Variants in ACVR2B observed in about 807,000 individuals in gnomAD.
The protein encoded by ACVR2B is activin receptor type-2B.
In ACVR2B, 18 loss-of-function variants were observed where a neutral mutation model predicts 65.1. The ratio of observed to expected loss-of-function variants is 0.28; its 90% CI spans 0.19 to 0.41. The LOEUF is 0.41. ACVR2B is among the 10% of genes least tolerant of loss of function. The probability of loss-of-function intolerance (pLI) is 1.00; values close to 1 mark genes in which losing one functional copy is unlikely to be tolerated. For synonymous variants in ACVR2B, 298 were observed against 277.7 expected (o/e 1.07, Z -0.73); for missense variants, 482 against 682.7 (o/e 0.71, Z 3.28).
chr3:38,464,178 T>C (rs1246096215), intron 1 of ACVR2B, among the ~76,000 whole-genome samples: 1 of 152,210 alleles, frequency 6.6e-6, no homozygotes, highest in Admixed American at 6.5e-5. Context: ...AACAATAAAG[T>C]TTGGTTGAAA....
rs186009413 is a variant in ACVR2B, at chr3:38,479,119, C to T, written c.667-9C>T. The T allele has an allele frequency of 1.1e-4, 183 of 1,614,050 alleles. No individual in the cohort carries two copies. The African/African-American group carries it at 1.9e-3, about 17-fold the overall frequency. The stretch of plus-strand genomic sequence containing the variant: ...ACTTGTCCCCCCAACCCCTCGCCCC[C>T]GGCCTCAGGACAAGCAGTCGTGGCA... On this transcript the variant is annotated splice_polypyrimidine_tract_variant and intron_variant, in intron 5 of 10. Coordinates refer to ENST00000352511, the MANE Select transcript of ACVR2B (RefSeq NM_001106.4).
chr3:38,470,934 G>C (rs1051740389), intron 1 of ACVR2B, among the ~76,000 whole-genome samples: 1 of 152,122 alleles, frequency 6.6e-6, no homozygotes, highest in Non-Finnish European at 1.5e-5. Flanking sequence ...AACATACCCA[G>C]TAATCATATA....
intron 1 of ACVR2B, among the ~76,000 whole-genome samples, chr3:38,462,043 A>C (rs1022862536): frequency 6.6e-6 from 1 of 151,852 alleles, no homozygotes; most frequent in Non-Finnish European, 1.5e-5. Context: ...AAATACAAAA[A>C]ATTAGCCCGG....
At chr3:38,478,827 T>G (rs531038) in intron 5 of ACVR2B, among the ~76,000 whole-genome samples, 5 of 152,118 alleles carry the variant, frequency 3.3e-5, no homozygotes, top group Non-Finnish European at 7.4e-5. Flanking sequence ...CCTCATTTGT[T>G]GGGTGATACG....
chr3:38,480,228 T>C (rs1709993995), intron 7 of ACVR2B, among the ~76,000 whole-genome samples: 1 of 152,224 alleles, frequency 6.6e-6, no homozygotes, highest in African/African-American at 2.4e-5. Context: ...TCACATCTCA[T>C]GTAGCCTCGG....
chr3:38,483,270 C>T lies in ACVR2B; in HGVS notation c.1477C>T (p.Leu493Phe), dbSNP rs150752796. 5.3e-4 allele frequency: 848 copies of T among 1,613,968 alleles called. 1 individual carries two copies. The highest frequency in any genetic ancestry group is 6.5e-4 in the Non-Finnish European group (764 of 1,180,026). The change falls in exon 11 of 11, where the codon CTC becomes TTC. Residue 493 changes from leucine to phenylalanine, a missense_variant. By Grantham distance (22) the Leu-to-Phe change is conservative. Transcript: ENST00000352511. The surrounding 1 kb of genome is among the most constrained non-coding windows in gnomAD (Gnocchi z 4.8). The part of the protein sequence containing the change: ...RSVNGTTSDC[L>F]VSLVTSVTNV... ...GGTCAACGGCACTACCTCGGACTGT[C>T]TCGTTTCCCTGGTGACCTCTGTCAC...
chr3:38,478,806 G>C (rs1426704300), intron 5 of ACVR2B, among the ~76,000 whole-genome samples: 1 of 152,122 alleles, frequency 6.6e-6, no homozygotes, highest in Non-Finnish European at 1.5e-5. Flanking sequence ...TGGACACCAG[G>C]TCTGGCTCTG....
At chr3:38,455,226 C>G (rs1398982008) in intron 1 of ACVR2B, among the ~76,000 whole-genome samples, 1 of 152,034 alleles carries the variant, frequency 6.6e-6, no homozygotes, top group African/African-American at 2.4e-5. Context: ...GTCCAAGCAC[C>G]GATTTCCCTC....
chr3:38,463,144 C>T (rs1048779545), intron 1 of ACVR2B, among the ~76,000 whole-genome samples: 7 of 152,164 alleles, frequency 4.6e-5, no homozygotes, highest in Non-Finnish European at 1.0e-4. Flanking sequence ...GGGTACTGTG[C>T]TGATGAGGGA....
chr3:38,484,482 G>T lies in ACVR2B; in HGVS notation c.*1150G>T, dbSNP rs1710080063. The T allele has an allele frequency of 1.3e-5, 2 of 152,204 alleles. No homozygotes were observed. The highest frequency in any genetic ancestry group is 4.8e-5 in the African/African-American group (2 of 41,452). 9.4% of individuals were successfully genotyped at this position (152,204 alleles called of 1,614,324 possible). Reference sequence around the variant, plus strand: ...TGCACCTCTGGTTCCGCCCCAGGTGGTGACATTACTGTCCCCGTTCTGTGG... The same window carrying T: ...TGCACCTCTGGTTCCGCCCCAGGTGTTGACATTACTGTCCCCGTTCTGTGG... On this transcript the variant is annotated 3_prime_UTR_variant, in exon 11 of 11. Coordinates refer to ENST00000352511, the MANE Select transcript of ACVR2B (RefSeq NM_001106.4).
rs78458694 is a variant in ACVR2B at position 38,483,670 on chromosome 3, C to G, written c.*338C>G. ...CTTTGGGATTCGTTTTTCCCGCTTT[C>G]TCTTTGTTTGTCGTCTCAGAATCTG... On this transcript the variant is annotated 3_prime_UTR_variant, in exon 11 of 11. Coordinates refer to ENST00000352511, the MANE Select transcript of ACVR2B (RefSeq NM_001106.4). The surrounding 1 kb of genome is among the most constrained non-coding windows in gnomAD (Gnocchi z 4.8). The G allele has an allele frequency of 5.2e-3, 812 of 156,972 alleles. 7 individuals are homozygous for G. The highest frequency in any genetic ancestry group is 8.6e-3 in the Non-Finnish European group (618 of 71,804). The allele number at this position is 156,972 out of a possible 1,614,324, so 9.7% of individuals were successfully genotyped here. A position where few individuals can be genotyped will look rare whatever the true frequency, so the allele number is the denominator to read the frequency against.
In ACVR2B at chr3:38,492,215, TG is replaced by T. The variant is rs2059815717; in HGVS notation, c.*8884del. ...CAGTTTTACCAGCTACTTCTAAATTTGTACATTATTTGTAAGGGAAAGAAGG... is the reference window on the plus strand; with the variant it reads ...CAGTTTTACCAGCTACTTCTAAATTTTACATTATTTGTAAGGGAAAGAAGG... On this transcript the variant is annotated 3_prime_UTR_variant, in exon 11 of 11. Coordinates refer to ENST00000352511, the MANE Select transcript of ACVR2B (RefSeq NM_001106.4). 6.6e-6 allele frequency: 1 copy of T among 152,658 alleles called. No individual in the cohort carries two copies. Among genetic ancestry groups the T allele is most frequent in the Non-Finnish European group, 1.5e-5 (1 of 68,032 alleles). The allele number at this position is 152,658 out of a possible 1,614,324, so 9.5% of individuals were successfully genotyped here. A position where few individuals can be genotyped will look rare whatever the true frequency, so the allele number is the denominator to read the frequency against.
At chr3:38,471,015 TGGG>T (rs1709809295) in intron 1 of ACVR2B, among the ~76,000 whole-genome samples, 1 of 152,070 alleles carries the variant, frequency 6.6e-6, no homozygotes, top group Non-Finnish European at 1.5e-5. Flanking sequence ...TAGATTGAAT[TGGG>T]GGGAGGGAAG....
chr3:38,456,814 A>G (rs1327765666), intron 1 of ACVR2B, among the ~76,000 whole-genome samples: 1 of 152,200 alleles, frequency 6.6e-6, no homozygotes, highest in Admixed American at 6.6e-5. Flanking sequence ...TACCTCCCAA[A>G]GGTCCCGTCT....
At position 38,484,703 on chromosome 3, in the gene ACVR2B, G is replaced by A. The variant is rs1272982334; in HGVS notation, c.*1371G>A. 1 of 152,156 alleles carries A rather than the reference G, an allele frequency of 6.6e-6. No individual in the cohort carries two copies. The highest frequency in any genetic ancestry group is 1.9e-4 in the East Asian group (1 of 5,188). 9.4% of individuals were successfully genotyped at this position (152,156 alleles called of 1,614,324 possible). ...AACACACACATCCACATATACACATGCTTCGCTATGTGGCTTCCAAGGTTT... is the reference window on the plus strand; with the variant it reads ...AACACACACATCCACATATACACATACTTCGCTATGTGGCTTCCAAGGTTT... On this transcript the variant is annotated 3_prime_UTR_variant, in exon 11 of 11. Transcript: ENST00000352511.
chr3:38,466,751 C>T (rs1218449629), intron 1 of ACVR2B, among the ~76,000 whole-genome samples: 3 of 152,160 alleles, frequency 2.0e-5, no homozygotes, highest in African/African-American at 7.2e-5. Flanking sequence ...GATCCACCTC[C>T]CTCAGCCTCC....
rs761778513 is a variant in ACVR2B at position 38,478,470 on chromosome 3, G to A, written c.618G>A (p.Lys206=). The A allele has an allele frequency of 6.2e-7, 1 of 1,614,196 alleles. No homozygotes were observed. Among genetic ancestry groups the A allele is most frequent in the South Asian group, 1.1e-5 (1 of 91,082 alleles). The stretch of plus-strand genomic sequence containing the variant: ...GGGGGCGCTTTGGCTGTGTCTGGAA[G>A]GCCCAGCTCATGAATGACTTTGTAG... ...KARGRFGCVW[K]AQLMNDFVAV... The change falls in exon 5 of 11, where the codon AAG becomes AAA. Residue 206 remains lysine, a synonymous_variant. Coordinates refer to ENST00000352511, the MANE Select transcript of ACVR2B (RefSeq NM_001106.4).
intron 1 of ACVR2B, among the ~76,000 whole-genome samples, chr3:38,458,084 T>C (rs1396867433): frequency 1.3e-5 from 2 of 152,162 alleles, no homozygotes; most frequent in Admixed American, 1.3e-4. Context: ...TTCCAGGCCC[T>C]ATAGCTGGGT....
intron 1 of ACVR2B, chr3:38,459,713 A>G (rs1287637312): frequency 5.1e-6 from 5 of 975,352 alleles, no homozygotes; most frequent in Non-Finnish European, 6.1e-6. Flanking sequence ...TCTCTCCCTC[A>G]GGGTGTGGTG....
Sources: gnomAD v4.1 joint callset for allele counts (sites outside exome capture counted in the v4.1 genomes callset) on GRCh38, gnomAD v4.1.1 for gene constraint, Gnocchi (gnomAD v3.1) non-coding constraint, MANE v1.5 for transcripts, NCBI Gene and HGNC (gene_info 2026-07-23, HGNC 2026-07-21) for gene names.